Variants in CGNL1 observed in about 807,000 individuals in gnomAD.
The protein encoded by CGNL1 is cingulin-like protein 1.
A neutral mutation model predicts 141.2 loss-of-function variants in CGNL1; 132 were observed. The ratio of observed to expected loss-of-function variants is 0.93; its 90% confidence interval spans 0.81 to 1.08. CGNL1 has a LOEUF of 1.08. Ranked by LOEUF, CGNL1 falls within the 50% of genes least tolerant of loss-of-function variation. CGNL1 has a pLI of 0.00. For synonymous variants in CGNL1, 690 were observed against 622.1 expected (o/e 1.11, Z -1.63); for missense variants, 1,870 against 1,588.6 (o/e 1.18, Z -3.01).
At chr15:57,417,023 G>A (rs1355180397) in intron 1 of CGNL1, among the ~76,000 whole-genome samples, 1 of 152,152 alleles carries the variant, frequency 6.6e-6, no homozygotes, top group Non-Finnish European at 1.5e-5. Context: ...CTGGGCAAGT[G>A]ATTTAACCAC....
At chr15:57,432,105 A>G (rs146010339) in intron 1 of CGNL1, among the ~76,000 whole-genome samples, 114 of 152,344 alleles carry the variant, frequency 7.5e-4, no homozygotes, top group African/African-American at 2.7e-3. Flanking sequence ...GCCCCATGCT[A>G]GGTACTATGC....
chr15:57,512,215 T>C (rs1469673966), intron 8 of CGNL1, among the ~76,000 whole-genome samples: 1 of 152,236 alleles, frequency 6.6e-6, no homozygotes. Flanking sequence ...GTTTCTTTTC[T>C]TCACTGGGAG....
chr15:57,523,641 G>GGT lies in CGNL1; in HGVS notation c.2868+2_2868+3dup, dbSNP rs1477746046. ...AAACCATTGAGAAACTGCAGAAGGA[G>GGT]GTGAGGGGCTGGAGGAGGAAAGAGG... is the stretch of plus-strand genomic sequence containing the variant. On this transcript the variant is annotated frameshift_variant and splice_region_variant. Transcript: ENST00000281282. LOFTEE classifies it high-confidence loss of function. 6.2e-7 allele frequency: 1 copy of GGT among 1,613,916 alleles called. No individual in the cohort carries two copies. Among genetic ancestry groups the GGT allele is most frequent in the Non-Finnish European group, 8.5e-7 (1 of 1,179,994 alleles).
chr15:57,475,492 GGTGTGTGT>G (rs72168222), intron 8 of CGNL1, among the ~76,000 whole-genome samples: 46,150 of 147,594 alleles, frequency 0.31, 7,334 homozygotes, highest in Non-Finnish European at 0.34. Flanking sequence ...ATACAAGTGT[GGTGTGTGT>G]GTGTGTGTGT....
rs185146115 is a variant in CGNL1, at chr15:57,550,620, C to A, written c.*3130C>A. On this transcript the variant is annotated 3_prime_UTR_variant, in exon 19 of 19. Transcript: ENST00000281282. Reference sequence around the variant, plus strand: ...GGTATGGTTTGGTCGCTTTGGTTGTCATGAGAAAGAGACATTCTCCTTGCA... The same window carrying A: ...GGTATGGTTTGGTCGCTTTGGTTGTAATGAGAAAGAGACATTCTCCTTGCA... 1 of 152,602 alleles carries A rather than the reference C, an allele frequency of 6.6e-6. No homozygotes were observed. The highest frequency in any genetic ancestry group is 2.4e-5 in the African/African-American group (1 of 41,440). 9.5% of individuals were successfully genotyped at this position (152,602 alleles called of 1,614,324 possible).
chr15:57,523,077 G>A (rs768554072), intron 10 of CGNL1, among the ~76,000 whole-genome samples: 12 of 152,178 alleles, frequency 7.9e-5, no homozygotes, highest in Non-Finnish European at 1.3e-4. Context: ...AGTAAATACT[G>A]GAACATTAGG....
At chr15:57,376,724 C>T (rs954825363) in intron 1 of CGNL1, among the ~76,000 whole-genome samples, 157 bp downstream of exon 1, 4 of 151,428 alleles carry the variant, frequency 2.6e-5, no homozygotes, top group Non-Finnish European at 4.4e-5. Flanking sequence ...ACCCGCGCCG[C>T]GCGTGTCCTG....
At chr15:57,537,196 A>T (rs750195460) in intron 14 of CGNL1, among the ~76,000 whole-genome samples, 3 of 152,222 alleles carry the variant, frequency 2.0e-5, no homozygotes, top group Non-Finnish European at 4.4e-5. Context: ...CATCAAGCCC[A>T]GGCAGCTGGC....
At chr15:57,388,382 C>T (rs998575393) in intron 1 of CGNL1, among the ~76,000 whole-genome samples, 2 of 152,128 alleles carry the variant, frequency 1.3e-5, no homozygotes, top group Non-Finnish European at 2.9e-5. Context: ...GAGGGGAGCC[C>T]GGAGCTGCTG....
intron 14 of CGNL1, among the ~76,000 whole-genome samples, chr15:57,534,483 A>C (rs552672824): frequency 2.6e-4 from 39 of 152,280 alleles, no homozygotes; most frequent in Admixed American, 2.4e-3. Flanking sequence ...ATTCTCATTC[A>C]AAGTTGAGGT....
At chr15:57,381,356 T>A (rs1462139093) in intron 1 of CGNL1, among the ~76,000 whole-genome samples, 1 of 151,902 alleles carries the variant, frequency 6.6e-6, no homozygotes, top group African/African-American at 2.4e-5. Flanking sequence ...GCCCAGGAGG[T>A]CAATACCAGC....
intron 8 of CGNL1, among the ~76,000 whole-genome samples, chr15:57,482,308 G>C (rs2063736205): frequency 6.6e-6 from 1 of 152,102 alleles, no homozygotes; most frequent in African/African-American, 2.4e-5. Context: ...GTCCAATTTA[G>C]TTTTTCCTTC....
At position 57,549,593 on chromosome 15, in the gene CGNL1, C is replaced by G. The variant is rs1231827639; in HGVS notation, c.*2103C>G. The G allele has an allele frequency of 2.6e-5, 4 of 152,206 alleles. No homozygotes were observed. The highest frequency in any genetic ancestry group is 9.7e-5 in the African/African-American group (4 of 41,424). 9.4% of individuals were successfully genotyped at this position (152,206 alleles called of 1,614,324 possible). A position where few individuals can be genotyped will look rare whatever the true frequency, so the allele number is the denominator to read the frequency against. ...GGTGTGGCCGATTCCTCCCTTTAGT[C>G]ATTCATTCATTTAGCACATATTTAT... On this transcript the variant is annotated 3_prime_UTR_variant, in exon 19 of 19. Transcript: ENST00000281282.
chr15:57,459,119 G>A (rs554363798), intron 7 of CGNL1, among the ~76,000 whole-genome samples: 6 of 152,152 alleles, frequency 3.9e-5, no homozygotes, highest in East Asian at 1.9e-4. Flanking sequence ...TGGGTCCCCC[G>A]GTGGCAACCA....
intron 8 of CGNL1, among the ~76,000 whole-genome samples, chr15:57,477,946 G>A (rs1262608502): frequency 6.6e-6 from 1 of 152,174 alleles, no homozygotes; most frequent in East Asian, 1.9e-4. Flanking sequence ...GGAGAAGGAG[G>A]GTTAATAATT....
intron 2 of CGNL1, 75 bp downstream of exon 2, chr15:57,439,676 G>A (rs552653217): frequency 7.2e-7 from 1 of 1,381,102 alleles, no homozygotes; most frequent in Non-Finnish European, 9.9e-7. Flanking sequence ...TTATGCTGCA[G>A]GAGGCCATAG....
intron 1 of CGNL1, among the ~76,000 whole-genome samples, chr15:57,433,276 C>G (rs144696020): frequency 6.6e-6 from 1 of 152,182 alleles, no homozygotes; most frequent in Admixed American, 6.5e-5. Flanking sequence ...AAGGCAAGCT[C>G]GCTGTACTTG....
rs10083574 is a variant in CGNL1, at chr15:57,418,488, T to G, written c.-15-19497T>G. ...GAGAAGCATGTTTCCTGGGGAAGGT[T>G]GGTCTACCATGGTTGCCCAGCTCTC... On this transcript the variant is annotated intron_variant, in intron 1 of 18. Coordinates refer to ENST00000281282, the MANE Select transcript of CGNL1 (RefSeq NM_032866.5). Among the ~76,000 whole-genome samples the G allele has an allele frequency of 6.2e-3, 944 of 152,228 alleles. 13 individuals carry two copies. Among genetic ancestry groups the G allele is most frequent in the African/African-American group, 0.022 (899 of 41,522 alleles).
rs565314050 is a variant in CGNL1, at chr15:57,547,476, G to T, written c.3895G>T (p.Ala1299Ser). 4 of 1,613,920 alleles carry T rather than the reference G, an allele frequency of 2.5e-6. No individual in the cohort carries two copies. In the East Asian group the frequency reaches 8.9e-5, roughly 36 times the overall value. The stretch of plus-strand genomic sequence containing the variant: ...CACATTCTCCAAGGACAGCACCGTC[G>T]CCAGCCAGATCTGAGTGCTCTCCCG... ...SYTFSKDSTV[A>S]SQI The change falls in exon 19 of 19, where the codon GCC becomes TCC. Residue 1299 changes from alanine (A) to serine (S), a missense_variant. By Grantham distance (99) the Ala-to-Ser change is moderately conservative. Coordinates refer to ENST00000281282, the MANE Select transcript of CGNL1 (RefSeq NM_032866.5).
Sources: allele counts gnomAD v4.1 joint callset (sites outside exome capture counted in the v4.1 genomes callset), GRCh38; gene constraint gnomAD v4.1.1; transcripts MANE v1.5; gene names NCBI Gene and HGNC (gene_info 2026-07-23, HGNC 2026-07-21).